Variants in TTC27 observed in about 807,000 individuals in gnomAD.
TTC27 encodes the protein tetratricopeptide repeat domain 27.
In TTC27, 79 loss-of-function variants were observed where a neutral mutation model predicts 115.9. That is an observed-to-expected ratio of 0.68 (90% confidence interval 0.57 to 0.82). The LOEUF (loss-of-function observed/expected upper bound fraction) is 0.82, where lower values mean the gene tolerates loss of function less well. Among genes scored for constraint, TTC27 ranks in the 40% least tolerant of loss-of-function variants. The probability of loss-of-function intolerance (pLI) is 0.00; values close to 1 mark genes in which losing one functional copy is unlikely to be tolerated. For synonymous variants in TTC27, 401 were observed against 356.0 expected, an observed-to-expected ratio of 1.13 and a Z score of -1.42; for missense variants, 1,054 against 993.1, an observed-to-expected ratio of 1.06 and a Z score of -0.82.
intron 5 of TTC27, among the ~76,000 whole-genome samples, chr2:32,656,181 A>G (rs1042533407): frequency 1.1e-4 from 17 of 152,236 alleles, no homozygotes; most frequent in African/African-American, 3.6e-4. Flanking sequence ...ATTTAATTTA[A>G]TAAACTCTTG....
At chr2:32,674,962 C>T (rs1666146930) in intron 8 of TTC27, among the ~76,000 whole-genome samples, 1 of 151,724 alleles carries the variant, frequency 6.6e-6, no homozygotes, top group Non-Finnish European at 1.5e-5. Flanking sequence ...GCACTTGGCC[C>T]TCCAGTGACA....
chr2:32,690,816 A>T (rs964743803), intron 9 of TTC27, among the ~76,000 whole-genome samples: 3 of 152,244 alleles, frequency 2.0e-5, no homozygotes, highest in African/African-American at 4.8e-5. Context: ...TTTGGTACTG[A>T]TTTCAAAAAT....
At chr2:32,665,044 A>T (rs1174872130) in intron 6 of TTC27, among the ~76,000 whole-genome samples, 1 of 151,080 alleles carries the variant, frequency 6.6e-6, no homozygotes, top group East Asian at 1.9e-4. Flanking sequence ...ATGTGGTTTC[A>T]CCATGTTGGC....
At position 32,787,026 on chromosome 2, in the gene TTC27, C is replaced by T; in HGVS notation, c.1875C>T (p.Asn625=). ...FRTLQEALKC[N]YEHWQIWENY... ...CTTTACAAGAAGCTCTCAAGTGTAA[C>T]TATGAACACTGGCAGATTTGGGAAA... is the stretch of plus-strand genomic sequence containing the variant. Residue 625 remains asparagine (N), a synonymous_variant, in exon 16 of 20, where the codon AAC becomes AAT. Coordinates refer to ENST00000317907, the MANE Select transcript of TTC27 (RefSeq NM_017735.5). 1 of 1,614,046 alleles carries T rather than the reference C, an allele frequency of 6.2e-7. No homozygotes were observed. Among genetic ancestry groups the T allele is most frequent in the Non-Finnish European group, 8.5e-7 (1 of 1,179,984 alleles).
chr2:32,742,696 T>A (rs1013950584), intron 12 of TTC27, among the ~76,000 whole-genome samples: 9 of 152,310 alleles, frequency 5.9e-5, no homozygotes, highest in Non-Finnish European at 8.8e-5. Context: ...GCTTTGGAGT[T>A]CTGTCAGCTG....
At chr2:32,789,921 CAAAAAAAAAAAAAA>C (rs34859954) in intron 16 of TTC27, among the ~76,000 whole-genome samples, 1 of 25,938 alleles carries the variant, frequency 3.9e-5, no homozygotes, top group Non-Finnish European at 6.5e-5. Flanking sequence ...ACCCTGTCTC[CAAAAAAAAAAAAAA>C]AAAAAAAAAA....
chr2:32,642,396 C>T (rs1357441559), intron 4 of TTC27, among the ~76,000 whole-genome samples: 7 of 151,436 alleles, frequency 4.6e-5, no homozygotes, highest in South Asian at 2.1e-4. Context: ...GGATTACAGG[C>T]GCCCACCACC....
intron 12 of TTC27, among the ~76,000 whole-genome samples, chr2:32,753,743 A>G (rs1254482549): frequency 1.3e-5 from 2 of 151,384 alleles, no homozygotes; most frequent in African/African-American, 4.8e-5. Context: ...CACCGTGTGG[A>G]GCCCAAATGC....
At chr2:32,656,601 A>T (rs1665328810) in intron 5 of TTC27, among the ~76,000 whole-genome samples, 1 of 152,160 alleles carries the variant, frequency 6.6e-6, no homozygotes. Context: ...GGTGATCACC[A>T]CGAAAGGGTT....
intron 10 of TTC27, among the ~76,000 whole-genome samples, chr2:32,706,008 T>C (rs1343912761): frequency 6.6e-6 from 1 of 151,836 alleles, no homozygotes; most frequent in African/African-American, 2.4e-5. Context: ...TACTTGATTA[T>C]GGACTTATGG....
At chr2:32,743,472 C>G (rs1249038471) in intron 12 of TTC27, among the ~76,000 whole-genome samples, 1 of 152,162 alleles carries the variant, frequency 6.6e-6, no homozygotes, top group Non-Finnish European at 1.5e-5. Context: ...TCCCACAAAT[C>G]TCAAATTTCC....
At chr2:32,782,703 G>A in intron 15 of TTC27, 25 bp downstream of exon 15, 1 of 1,570,258 alleles carries the variant, frequency 6.4e-7, no homozygotes, top group Non-Finnish European at 8.7e-7. Context: ...CAAATATGAA[G>A]AAATTTGCTT....
At position 32,736,381 on chromosome 2, in the gene TTC27, A is replaced by G. The variant is rs145307840; in HGVS notation, c.1330-313A>G. 3.2e-3 allele frequency among the ~76,000 whole-genome samples: 480 copies of G among 152,310 alleles called. 3 individuals carry two copies. Among genetic ancestry groups the G allele is most frequent in the African/African-American group, 0.011 (453 of 41,568 alleles). ...TCAGCCTCATAAGTTAGAGATTGTTATATACAGAGTGTCTAGGTAAAAAAG... is the reference window on the plus strand; with the variant it reads ...TCAGCCTCATAAGTTAGAGATTGTTGTATACAGAGTGTCTAGGTAAAAAAG... On this transcript the variant is annotated intron_variant, in intron 11 of 19. Transcript: ENST00000317907.
intron 15 of TTC27, among the ~76,000 whole-genome samples, chr2:32,783,907 T>A (rs1305913145): frequency 1.3e-5 from 2 of 152,252 alleles, no homozygotes; most frequent in East Asian, 3.8e-4. Context: ...CTTGGTGGAA[T>A]CACAAGATAA....
chr2:32,681,524 C>T (rs965977110), intron 9 of TTC27, among the ~76,000 whole-genome samples: 8 of 152,078 alleles, frequency 5.3e-5, no homozygotes, highest in African/African-American at 1.7e-4. Context: ...GAAAGTTTGG[C>T]GATTTTTTGA....
At chr2:32,708,304 G>GTTTTTTTTTTTTTTTTTTTTTTTTTT (rs1158508588) in intron 10 of TTC27, among the ~76,000 whole-genome samples, 12 of 61,354 alleles carry the variant, frequency 2.0e-4, no homozygotes, top group Non-Finnish European at 3.1e-4. Context: ...TCTCTACCTT[G>GTTTTTTTTTTTTTTTTTTTTTTTTTT]TTTTTTTTTT....
chr2:32,673,765 C>T (rs754312511), intron 8 of TTC27, among the ~76,000 whole-genome samples: 7 of 152,004 alleles, frequency 4.6e-5, no homozygotes, highest in East Asian at 1.9e-4. Context: ...GAAGCCGAAG[C>T]GGATGGATCA....
At position 32,760,584 on chromosome 2, in the gene TTC27, C is replaced by T. The variant is rs181195062; in HGVS notation, c.1680+2065C>T. Reference sequence around the variant, plus strand: ...TTGATTATCACTCTATTTTTTTTGGCGGCGGGGAGGGGTTGGTTTTTGGTT... The same window carrying T: ...TTGATTATCACTCTATTTTTTTTGGTGGCGGGGAGGGGTTGGTTTTTGGTT... On this transcript the variant is annotated intron_variant, in intron 13 of 19. Coordinates refer to ENST00000317907, the MANE Select transcript of TTC27 (RefSeq NM_017735.5). 4.8e-4 allele frequency among the ~76,000 whole-genome samples: 73 copies of T among 151,956 alleles called. 1 individual carries two copies. The South Asian group carries it at 0.01, about 21-fold the overall frequency.
chr2:32,767,226 T>G (rs893107368), intron 13 of TTC27, among the ~76,000 whole-genome samples: 3 of 152,134 alleles, frequency 2.0e-5, no homozygotes, highest in Non-Finnish European at 2.9e-5. Context: ...GTAAGAAACT[T>G]TTGATTGAGT....
Sources: allele counts gnomAD v4.1 joint callset (sites outside exome capture counted in the v4.1 genomes callset), GRCh38; gene constraint gnomAD v4.1.1; transcripts MANE v1.5; gene names NCBI Gene and HGNC (gene_info 2026-07-23, HGNC 2026-07-21).